C9: variants seen among roughly 807,000 people sequenced by gnomAD.
C9 encodes the protein complement C9.
In C9, 63 loss-of-function variants were observed where a neutral mutation model predicts 65.4. That is an observed-to-expected ratio of 0.96 (90% confidence interval 0.79 to 1.19). The LOEUF is 1.19. C9 is among the 50% of genes most tolerant of loss of function. The probability of loss-of-function intolerance (pLI) is 0.00; values close to 1 mark genes in which losing one functional copy is unlikely to be tolerated. For missense variants in C9, 744 were observed against 670.1 expected (o/e 1.11, Z -1.22); for synonymous variants, 229 against 227.9 (o/e 1.00, Z -0.04).
chr5:39,337,994 A>G (rs1056428942), intron 4 of C9, among the ~76,000 whole-genome samples: 1 of 152,134 alleles, frequency 6.6e-6, no homozygotes, highest in Non-Finnish European at 1.5e-5. Context: ...TAGGGAGTGT[A>G]CTCCTATTAC....
intron 4 of C9, among the ~76,000 whole-genome samples, chr5:39,338,558 T>C (rs890776127): frequency 6.6e-6 from 1 of 152,208 alleles, no homozygotes; most frequent in Admixed American, 6.5e-5. Flanking sequence ...CAAATGAAAG[T>C]CGTCATAGAA....
rs1579865503 is a variant in C9, at chr5:39,334,189, T to C, written c.477-2375A>G. Among the ~76,000 whole-genome samples the C allele has an allele frequency of 4.4e-5, 6 of 135,132 alleles. No homozygotes were observed. In the South Asian group the frequency reaches 7.6e-4, roughly 17 times the overall value. 88.7% of individuals were successfully genotyped at this position (135,132 alleles called of 152,430 possible). A position where few individuals can be genotyped will look rare whatever the true frequency, so the allele number is the denominator to read the frequency against. ...GAGGAGCGCCTCTTCCCGGCCGCCATCCCATCTAGGAAGTGAGGAGCGTCT... is the reference window on the plus strand; with the variant it reads ...GAGGAGCGCCTCTTCCCGGCCGCCACCCCATCTAGGAAGTGAGGAGCGTCT... On this transcript the variant is annotated intron_variant, in intron 4 of 10. Coordinates refer to ENST00000263408, the MANE Select transcript of C9 (RefSeq NM_001737.5).
intron 1 of C9, among the ~76,000 whole-genome samples, chr5:39,356,884 C>T (rs1754421739): frequency 6.6e-6 from 1 of 152,182 alleles, no homozygotes; most frequent in South Asian, 2.1e-4. Flanking sequence ...TATTACCCTG[C>T]TGTGCTATTA....
At chr5:39,324,237 G>T (rs923129737) in intron 5 of C9, among the ~76,000 whole-genome samples, 1 of 152,092 alleles carries the variant, frequency 6.6e-6, no homozygotes, top group South Asian at 2.1e-4. Flanking sequence ...TAGCAACACT[G>T]CCCAATATGA....
At chr5:39,313,503 T>A (rs1010378515) in intron 6 of C9, among the ~76,000 whole-genome samples, 3 of 152,150 alleles carry the variant, frequency 2.0e-5, no homozygotes. Flanking sequence ...AACTATAAAA[T>A]GTGAACAAAC....
At chr5:39,359,427 G>A (rs1409046487) in intron 1 of C9, among the ~76,000 whole-genome samples, 1 of 151,930 alleles carries the variant, frequency 6.6e-6, no homozygotes, top group Non-Finnish European at 1.5e-5. Context: ...GTATAGATGT[G>A]GGGATGTCGG....
chr5:39,298,434 A>T (rs1320258774), intron 9 of C9, among the ~76,000 whole-genome samples: 1 of 151,716 alleles, frequency 6.6e-6, no homozygotes, highest in Non-Finnish European at 1.5e-5. Context: ...ATAAGACAAA[A>T]GGGAAAAACT....
chr5:39,301,229 T>G (rs1753274837), intron 9 of C9, among the ~76,000 whole-genome samples: 1 of 152,108 alleles, frequency 6.6e-6, no homozygotes, highest in Non-Finnish European at 1.5e-5. Context: ...TTAACCTACT[T>G]GAATGCTAAA....
intron 5 of C9, among the ~76,000 whole-genome samples, chr5:39,321,753 A>C (rs1362368433): frequency 6.6e-6 from 1 of 152,096 alleles, no homozygotes; most frequent in Non-Finnish European, 1.5e-5. Context: ...AAACTGCAAG[A>C]AGGGACAAAG....
intron 6 of C9, among the ~76,000 whole-genome samples, chr5:39,313,149 C>G (rs906383042): frequency 1.3e-5 from 2 of 152,162 alleles, no homozygotes; most frequent in African/African-American, 4.8e-5. Context: ...CTTAAAGCAA[C>G]AAAAAGTTTC....
chr5:39,343,560 A>G (rs1754131697), intron 1 of C9, among the ~76,000 whole-genome samples: 1 of 152,224 alleles, frequency 6.6e-6, no homozygotes, highest in South Asian at 2.1e-4. Flanking sequence ...CCACAGCTCA[A>G]GGAGGCCTGC....
intron 5 of C9, among the ~76,000 whole-genome samples, chr5:39,327,808 T>A (rs1329882770): frequency 6.6e-6 from 1 of 152,152 alleles, no homozygotes; most frequent in Non-Finnish European, 1.5e-5. Flanking sequence ...TGAAGCAATG[T>A]AGGAACTCTG....
intron 5 of C9, among the ~76,000 whole-genome samples, chr5:39,318,959 C>G (rs1753621923): frequency 6.6e-6 from 1 of 152,172 alleles, no homozygotes; most frequent in Non-Finnish European, 1.5e-5. Context: ...TGTGTGTCAG[C>G]CATCCAGCTG....
At chr5:39,309,445 A>C (rs1753440944) in intron 7 of C9, among the ~76,000 whole-genome samples, 1 of 152,130 alleles carries the variant, frequency 6.6e-6, no homozygotes, top group Non-Finnish European at 1.5e-5. Flanking sequence ...AATATTTCTC[A>C]TGCACCCACA....
Position 39,364,476 on chromosome 5 carries a change from TGGGTGGCTGCGAGTG to T in C9, c.-27_-13del. ...CGGCAGGCTGACATGCTGCTCTTGC[TGGGTGGCTGCGAGTG>T]GGGTGGCAGGGCAGGTCTGGTAAGG... On this transcript the variant is annotated 5_prime_UTR_variant, in exon 1 of 11. Transcript: ENST00000263408. The T allele has an allele frequency of 1.9e-6, 3 of 1,586,520 alleles. No homozygotes were observed. Among genetic ancestry groups the T allele is most frequent in the Non-Finnish European group, 2.6e-6 (3 of 1,156,404 alleles).
intron 9 of C9, among the ~76,000 whole-genome samples, chr5:39,290,818 C>G (rs1199152965): frequency 5.3e-5 from 8 of 151,804 alleles, no homozygotes; most frequent in Non-Finnish European, 1.2e-4. Flanking sequence ...CACTGGAATT[C>G]AGATCAACCA....
At chr5:39,345,838 A>T (rs6897951) in intron 1 of C9, among the ~76,000 whole-genome samples, 5,452 of 152,316 alleles carry the variant, frequency 0.036, 331 homozygotes, top group African/African-American at 0.12. Flanking sequence ...CCACAGTGCA[A>T]TCCAACTAGA....
intron 5 of C9, 75 bp downstream of exon 5, chr5:39,331,601 T>C: frequency 8.3e-7 from 1 of 1,206,418 alleles, no homozygotes; most frequent in South Asian, 1.2e-5. Flanking sequence ...TTTTTCACAT[T>C]GTTTGGTACT....
rs372755772 is a variant in C9, at chr5:39,358,844, G to A, written c.77+5544C>T. 8.0e-4 allele frequency among the ~76,000 whole-genome samples: 121 copies of A among 151,540 alleles called. 1 individual carries two copies. The East Asian group carries it at 0.022, about 28-fold the overall frequency. The stretch of plus-strand genomic sequence containing the variant: ...ACTAAAAATACAAAAAATTAGCCGG[G>A]CGTGGTGGCGGGCGCCTGTAGTCCC... On this transcript the variant is annotated intron_variant, in intron 1 of 10. Coordinates refer to ENST00000263408, the MANE Select transcript of C9 (RefSeq NM_001737.5).
Sources: gnomAD v4.1 joint callset for allele counts (sites outside exome capture counted in the v4.1 genomes callset) on GRCh38, gnomAD v4.1.1 for gene constraint, MANE v1.5 for transcripts, NCBI Gene and HGNC (gene_info 2026-07-23, HGNC 2026-07-21) for gene names.